The following FRMPD3 variants were observed in gnomAD, a reference collection of about 807,000 sequenced individuals.
FRMPD3 encodes FERM and PDZ domain containing 3.
A neutral mutation model predicts 97.9 loss-of-function variants in FRMPD3; 42 were observed. The ratio of observed to expected loss-of-function variants is 0.43; its 90% CI spans 0.34 to 0.55. FRMPD3 has a LOEUF of 0.55. Ranked by LOEUF, FRMPD3 falls within the 20% of genes least tolerant of loss-of-function variation. FRMPD3 has a pLI of 0.03. For synonymous variants in FRMPD3, 577 were observed against 581.1 expected (o/e 0.99, Z 0.10); for missense variants, 1,303 against 1,457.7 (o/e 0.89, Z 1.73).
chrX:107,545,737 T>A lies in FRMPD3; in HGVS notation c.298T>A (p.Ser100Thr). The A allele has an allele frequency of 8.3e-7, 1 of 1,205,218 alleles. No homozygotes were observed. The highest frequency in any genetic ancestry group is 1.1e-6 in the Non-Finnish European group (1 of 890,672). Reference sequence around the variant, plus strand: ...CACCATCTCTCTGTTCTTTTTCCAGTCCCCCAAATCTGCTTTCATCAGTGC... The same window carrying A: ...CACCATCTCTCTGTTCTTTTTCCAGACCCCCAAATCTGCTTTCATCAGTGC... ...IVLTVLHTHQ[S>T]PKSAFISAAK... The change falls in exon 5 of 15, where the codon TCC (serine) becomes ACC (threonine). Residue 100 changes from serine to threonine, a missense_variant and splice_region_variant. Physicochemically the swap from Ser to Thr is moderately conservative, Grantham distance 58. This residue lies in a region of FRMPD3 where 535 missense variants were observed against 618.6 expected (regional missense o/e 0.86). Transcript: ENST00000683843.
At position 107,602,569 on chromosome X, in the gene FRMPD3, T is replaced by A; in HGVS notation, c.4530T>A (p.Ser1510Arg). ...YRKCDMADDA[S>R]DGKDELSYSI... is the part of the protein sequence containing the mutation. ...AGTGTGACATGGCAGATGATGCCAG[T>A]GATGGCAAGGATGAGCTCTCCTACT... Residue 1510 changes from serine to arginine, a missense_variant, in exon 15 of 15, where the codon AGT becomes AGA. Ser to Arg is a moderately radical substitution (Grantham distance 110). This residue lies in a region of FRMPD3 where 764 missense variants were observed against 820.2 expected (regional missense o/e 0.93). Transcript: ENST00000683843. 8.3e-7 allele frequency: 1 copy of A among 1,211,469 alleles called. No individual in the cohort carries two copies. Among genetic ancestry groups the A allele is most frequent in the African/African-American group, 1.7e-5 (1 of 58,053 alleles).
chrX:107,560,461 A>AGCTAT, intron 9 of FRMPD3, 68 bp downstream of exon 9: 3 of 1,152,165 alleles, frequency 2.6e-6, no homozygotes, highest in Non-Finnish European at 3.5e-6. Flanking sequence ...ACACTGGTTG[A>AGCTAT]GCTATGCTAT....
intron 5 of FRMPD3, among the ~76,000 whole-genome samples, chrX:107,549,301 C>T (rs984003346): frequency 3.1e-4 from 33 of 107,937 alleles, no homozygotes; most frequent in Non-Finnish European, 3.8e-4. Context: ...CCCACCTGGG[C>T]GACAGAGCGA....
At chrX:107,456,245 AC>A (rs1931375617) in intron 1 of FRMPD3, among the ~76,000 whole-genome samples, 1 of 109,983 alleles carries the variant, frequency 9.1e-6, no homozygotes, top group African/African-American at 3.3e-5. Context: ...GTGTTGCCTA[AC>A]CTGGTCTCCA....
chrX:107,497,313 G>A (rs997173022), intron 1 of FRMPD3, among the ~76,000 whole-genome samples: 6 of 113,125 alleles, frequency 5.3e-5, no homozygotes, highest in African/African-American at 1.9e-4. Context: ...TGACCTTCAG[G>A]TGGAAAACCC....
At chrX:107,492,772 T>G (rs980593592) in intron 1 of FRMPD3, among the ~76,000 whole-genome samples, 1 of 111,840 alleles carries the variant, frequency 8.9e-6, no homozygotes, top group Admixed American at 9.5e-5. Context: ...TTCTCAAACG[T>G]TTTTGCCCAT....
intron 4 of FRMPD3, among the ~76,000 whole-genome samples, chrX:107,537,439 A>G (rs754958069): frequency 7.3e-4 from 82 of 111,775 alleles, no homozygotes; most frequent in Non-Finnish European, 1.3e-3. Flanking sequence ...TGTGCTCTCT[A>G]AATCCTTGGA....
intron 1 of FRMPD3, among the ~76,000 whole-genome samples, chrX:107,503,386 T>G (rs750411405): frequency 8.9e-6 from 1 of 111,950 alleles, no homozygotes; most frequent in Admixed American, 9.4e-5. Context: ...GTCAGTGATC[T>G]CTTGATATAT....
At chrX:107,489,505 C>T (rs1344133867) in intron 1 of FRMPD3, among the ~76,000 whole-genome samples, 2 of 111,576 alleles carry the variant, frequency 1.8e-5, no homozygotes, top group Non-Finnish European at 3.8e-5. Context: ...CTGTTGTTTC[C>T]TGACTTTTTA....
At chrX:107,458,523 G>A (rs1038744720) in intron 1 of FRMPD3, among the ~76,000 whole-genome samples, 2 of 111,492 alleles carry the variant, frequency 1.8e-5, no homozygotes, top group African/African-American at 6.5e-5. Context: ...AGGCTTCTGA[G>A]GGGGAGGCAC....
At chrX:107,533,372 G>T in intron 3 of FRMPD3, 133 bp from the exon 4 acceptor site, 1 of 490,234 alleles carries the variant, frequency 2.0e-6, no homozygotes, top group South Asian at 3.9e-5. Flanking sequence ...TGTCCATGCA[G>T]ACACTCAGAT....
In FRMPD3 at chrX:107,603,199, G is replaced by A. The variant is rs1021616658; in HGVS notation, c.5160G>A (p.Gln1720=). ...STARNLNQQQ[Q]QQQQQQQQQQ... ...CCCGTAACCTTAACCAGCAGCAGCA[G>A]CAACAACAACAGCAGCAGCAGCAAC... The change falls in exon 15 of 15, where the codon CAG becomes CAA. Residue 1720 remains glutamine (Q), a synonymous_variant. Transcript: ENST00000683843. 17 of 1,178,834 alleles carry A rather than the reference G, an allele frequency of 1.4e-5. No homozygotes were observed. The highest frequency in any genetic ancestry group is 1.8e-5 in the Non-Finnish European group (16 of 879,583).
At position 107,545,391 on chromosome X, in the gene FRMPD3, A is replaced by T. The variant is rs142367454; in HGVS notation, c.298-346A>T. ...TATTCAGATATAATAATAATAATAA[A>T]AAGACACCCTTTAGGTCTATCTCAC... On this transcript the variant is annotated intron_variant, in intron 4 of 14. Coordinates refer to ENST00000683843, the MANE Select transcript of FRMPD3 (RefSeq NM_001388459.1). 7.3e-3 allele frequency: 911 copies of T among 125,191 alleles called. 8 individuals carry two copies. Among genetic ancestry groups the T allele is most frequent in the African/African-American group, 0.027 (850 of 31,088 alleles). 10.3% of individuals were successfully genotyped at this position (125,191 alleles called of 1,213,427 possible).
chrX:107,505,367 C>T (rs766549493), intron 1 of FRMPD3, among the ~76,000 whole-genome samples: 2 of 111,917 alleles, frequency 1.8e-5, no homozygotes, highest in South Asian at 7.5e-4. Context: ...TCCTAACTTC[C>T]AGCCCTGTAA....
chrX:107,451,678 G>A (rs1355381728), intron 1 of FRMPD3, among the ~76,000 whole-genome samples: 1 of 112,630 alleles, frequency 8.9e-6, no homozygotes, highest in Non-Finnish European at 1.9e-5. Flanking sequence ...CAATTTCATG[G>A]CTTGTTTTTT....
intron 10 of FRMPD3, among the ~76,000 whole-genome samples, chrX:107,562,258 G>A (rs1248972932): frequency 8.9e-6 from 1 of 112,544 alleles, no homozygotes; most frequent in African/African-American, 3.2e-5. Context: ...GTGAAGATAG[G>A]GGCAAGAGAA....
At chrX:107,576,492 C>T (rs201323914) in intron 13 of FRMPD3, 33 bp downstream of exon 13, 429 of 1,196,923 alleles carry the variant, frequency 3.6e-4, no homozygotes, top group Non-Finnish European at 4.5e-4. Flanking sequence ...TTTTGCTGTG[C>T]CAGAGGCCCT....
chrX:107,553,786 C>G (rs1305245830), intron 7 of FRMPD3, among the ~76,000 whole-genome samples: 3 of 111,495 alleles, frequency 2.7e-5, no homozygotes, highest in African/African-American at 9.8e-5. Flanking sequence ...TCCCTCACCC[C>G]CAAGCAACCC....
chrX:107,545,897 T>A, intron 5 of FRMPD3, 56 bp downstream of exon 5: 1 of 951,336 alleles, frequency 1.1e-6, no homozygotes, highest in Non-Finnish European at 1.5e-6. Flanking sequence ...TGCCTGGCTG[T>A]CAAGCTCTCG....
Sources: allele counts gnomAD v4.1 joint callset (sites outside exome capture counted in the v4.1 genomes callset), GRCh38; gene constraint gnomAD v4.1.1; regional missense constraint gnomAD v4.1.1; transcripts MANE v1.5; gene names NCBI Gene and HGNC (gene_info 2026-07-23, HGNC 2026-07-21).